MAPKAP1: variants seen among roughly 807,000 people sequenced by gnomAD.
MAPKAP1 encodes the protein target of rapamycin complex 2 subunit MAPKAP1.
A neutral mutation model predicts 65.7 loss-of-function variants in MAPKAP1; 20 were observed. That is an observed-to-expected ratio of 0.30 (90% CI 0.21 to 0.44). The LOEUF (loss-of-function observed/expected upper bound fraction) is 0.44, where lower values mean the gene tolerates loss of function less well. Among genes scored for constraint, MAPKAP1 ranks in the 20% least tolerant of loss-of-function variants. The pLI, the probability that MAPKAP1 is intolerant of heterozygous loss-of-function variation, is 1.00. For missense variants in MAPKAP1, 423 were observed against 648.0 expected (o/e 0.65, Z 3.77); for synonymous variants, 222 against 244.3 (o/e 0.91, Z 0.85).
intron 6 of MAPKAP1, among the ~76,000 whole-genome samples, chr9:125,543,972 G>A (rs768764442): frequency 6.6e-6 from 1 of 152,090 alleles, no homozygotes; most frequent in Non-Finnish European, 1.5e-5. Flanking sequence ...TTGAGAAGGA[G>A]GAAAAGAAAA....
intron 8 of MAPKAP1, among the ~76,000 whole-genome samples, chr9:125,487,432 TAAAATCATTTAATGTTTTA>T (rs140350269): frequency 0.18 from 27,452 of 152,088 alleles, 2,948 homozygotes; most frequent in East Asian, 0.26. Context: ...GGTAAAATAT[TAAAATCATTTAATGTTTTA>T]AAAATCATTT....
At chr9:125,613,153 C>T (rs1013368522) in intron 4 of MAPKAP1, among the ~76,000 whole-genome samples, 36 of 152,158 alleles carry the variant, frequency 2.4e-4, no homozygotes, top group African/African-American at 8.7e-4. Context: ...GATCATTATA[C>T]TAACCCTCTT....
chr9:125,554,267 G>A (rs2133199317), intron 6 of MAPKAP1, among the ~76,000 whole-genome samples: 1 of 152,226 alleles, frequency 6.6e-6, no homozygotes. Context: ...TGTGCTGTTT[G>A]GTGCCAAGTC....
intron 4 of MAPKAP1, among the ~76,000 whole-genome samples, chr9:125,593,166 T>C (rs1188591237): frequency 6.6e-6 from 1 of 151,844 alleles, no homozygotes; most frequent in Non-Finnish European, 1.5e-5. Flanking sequence ...TAGCTAGGCA[T>C]GGTGGCATGT....
intron 6 of MAPKAP1, among the ~76,000 whole-genome samples, chr9:125,556,449 G>A (rs1830737697): frequency 6.6e-6 from 1 of 152,182 alleles, no homozygotes; most frequent in African/African-American, 2.4e-5. Context: ...TCAAATCCAG[G>A]CCTAAGAACA....
intron 7 of MAPKAP1, among the ~76,000 whole-genome samples, chr9:125,526,499 C>A (rs907744806): frequency 1.3e-5 from 2 of 152,158 alleles, no homozygotes; most frequent in Non-Finnish European, 2.9e-5. Context: ...AATCACAATA[C>A]ACTGACTATA....
At chr9:125,451,253 G>A (rs958569272) in intron 10 of MAPKAP1, among the ~76,000 whole-genome samples, 1 of 152,162 alleles carries the variant, frequency 6.6e-6, no homozygotes, top group South Asian at 2.1e-4. Context: ...AGCTGTTTTC[G>A]ACACTTCTTA....
chr9:125,588,768 G>C (rs371955348), intron 4 of MAPKAP1, among the ~76,000 whole-genome samples: 1 of 151,956 alleles, frequency 6.6e-6, no homozygotes, highest in African/African-American at 2.4e-5. Context: ...AAATTCCTTC[G>C]ATGAGTGGCT....
In MAPKAP1 at chr9:125,439,781, C is replaced by T. The variant is rs946456487; in HGVS notation, c.1444-769G>A. Among the ~76,000 whole-genome samples the T allele has an allele frequency of 5.9e-5, 9 of 152,272 alleles. No individual in the cohort carries two copies. Among genetic ancestry groups the T allele is most frequent in the Non-Finnish European group, 8.8e-5 (6 of 68,048 alleles). On this transcript the variant is annotated intron_variant, in intron 11 of 11. Transcript: ENST00000265960. The surrounding 1 kb of genome is among the most constrained non-coding windows in gnomAD (Gnocchi z 4.0). ...ACCGCCAGGCGCTTCCCCAGCGCTACAGCGCTGAGACTTGGTCCTGGCCCT... is the reference window on the plus strand; with the variant it reads ...ACCGCCAGGCGCTTCCCCAGCGCTATAGCGCTGAGACTTGGTCCTGGCCCT...
intron 8 of MAPKAP1, among the ~76,000 whole-genome samples, chr9:125,487,448 T>G (rs934272295): frequency 9.7e-6 from 1 of 103,130 alleles, no homozygotes; most frequent in Non-Finnish European, 2.6e-5. Context: ...CATTTAATGT[T>G]TTAAAAATCA....
chr9:125,668,816 AGGCCCACTAATGG>A (rs938267305), intron 3 of MAPKAP1, among the ~76,000 whole-genome samples: 1 of 152,260 alleles, frequency 6.6e-6, no homozygotes, highest in Non-Finnish European at 1.5e-5. Context: ...GACTGTTACT[AGGCCCACTAATGG>A]GGCAAGGAAA....
chr9:125,646,615 T>G (rs1441093572), intron 4 of MAPKAP1, among the ~76,000 whole-genome samples: 1 of 151,952 alleles, frequency 6.6e-6, no homozygotes, highest in Non-Finnish European at 1.5e-5. Context: ...GTTTCTAAAC[T>G]AAAACAATAA....
intron 7 of MAPKAP1, 60 bp from the exon 8 acceptor site, chr9:125,506,477 A>C: frequency 7.5e-7 from 1 of 1,330,696 alleles, no homozygotes; most frequent in Non-Finnish European, 1.1e-6. Flanking sequence ...TTTAACATTT[A>C]AAAAACACCA....
intron 8 of MAPKAP1, among the ~76,000 whole-genome samples, chr9:125,496,176 G>A (rs1854938458): frequency 6.6e-6 from 1 of 152,202 alleles, no homozygotes; most frequent in African/African-American, 2.4e-5. Context: ...TGCCTTTATA[G>A]TGCGAACCAG....
chr9:125,460,483 C>T (rs1853452627), intron 10 of MAPKAP1, among the ~76,000 whole-genome samples: 1 of 152,200 alleles, frequency 6.6e-6, no homozygotes, highest in South Asian at 2.1e-4. Context: ...TCCTCGTAGA[C>T]ATTCTTACAC....
chr9:125,550,840 G>A (rs1830562063), intron 6 of MAPKAP1, among the ~76,000 whole-genome samples: 1 of 152,164 alleles, frequency 6.6e-6, no homozygotes, highest in African/African-American at 2.4e-5. Flanking sequence ...ACACACAGTT[G>A]GTCCTCTATG....
At chr9:125,605,476 A>G (rs781299324) in intron 4 of MAPKAP1, among the ~76,000 whole-genome samples, 3 of 152,322 alleles carry the variant, frequency 2.0e-5, no homozygotes, top group Admixed American at 6.5e-5. Context: ...GCTGGTGATT[A>G]ATTAAATAAA....
chr9:125,589,360 A>G (rs182603590), intron 4 of MAPKAP1, among the ~76,000 whole-genome samples: 16 of 152,254 alleles, frequency 1.1e-4, no homozygotes, highest in African/African-American at 3.6e-4. Context: ...AGCAATGTTA[A>G]CGTCTGCTTT....
intron 4 of MAPKAP1, among the ~76,000 whole-genome samples, chr9:125,590,895 A>G (rs1348146688): frequency 2.0e-4 from 31 of 151,896 alleles, no homozygotes; most frequent in Non-Finnish European, 2.9e-4. Context: ...GGCCTCAGCC[A>G]CCCAAATAGC....
Sources: gnomAD v4.1 joint callset for allele counts (sites outside exome capture counted in the v4.1 genomes callset) on GRCh38, gnomAD v4.1.1 for gene constraint, Gnocchi (gnomAD v3.1) non-coding constraint, MANE v1.5 for transcripts, NCBI Gene and HGNC (gene_info 2026-07-23, HGNC 2026-07-21) for gene names.